The following VCX variants were observed in gnomAD, a reference collection of about 807,000 sequenced individuals.
VCX encodes variable charge X-linked, also known as variable charge X-linked protein 1.
For synonymous variants in VCX, 17 were observed against 79.4 expected, an observed-to-expected ratio of 0.21 and a Z score of 4.18; for missense variants, 45 against 171.8, an observed-to-expected ratio of 0.26 and a Z score of 4.13.
rs1178925921 is a variant in VCX at position 7,843,746 on chromosome X, GA to G, written c.352del (p.Ser118AlafsTer7). On this transcript the variant is annotated frameshift_variant, in exon 2 of 2. Coordinates refer to ENST00000688183, the MANE Select transcript of VCX (RefSeq NM_001393662.1). LOFTEE classifies it low-confidence loss of function (END_TRUNC). The part of the protein sequence containing the change: ...AELEEPLSQE[S>X]EVEEPLSQES... ...AGCTGGAGGAACCACTGAGTCAGGA[GA>G]GCGAGGTGGAAGAACCACTGAGTCA... 9.0e-7 allele frequency: 1 copy of G among 1,108,906 alleles called. No homozygotes were observed. Among genetic ancestry groups the G allele is most frequent in the Admixed American group, 2.5e-5 (1 of 39,538 alleles). The allele number at this position is 1,108,906 out of a possible 1,213,427, so 91.4% of individuals were successfully genotyped here.
At position 7,843,684 on chromosome X, in the gene VCX, G is replaced by A. The variant is rs147591279; in HGVS notation, c.289G>A (p.Glu97Lys). 5 of 1,117,001 alleles carry A rather than the reference G, an allele frequency of 4.5e-6. No individual in the cohort carries two copies. The highest frequency in any genetic ancestry group is 1.9e-5 in the South Asian group (1 of 53,525). 92.1% of individuals were successfully genotyped at this position (1,117,001 alleles called of 1,213,427 possible). A position where few individuals can be genotyped will look rare whatever the true frequency, so the allele number is the denominator to read the frequency against. Residue 97 changes from glutamate to lysine, a missense_variant, in exon 2 of 2, where the codon GAG becomes AAG. Coordinates refer to ENST00000688183, the MANE Select transcript of VCX (RefSeq NM_001393662.1). Reference protein sequence around the residue: ...HELPPEEPVSEGTQHDPLSQE... With the variant: ...HELPPEEPVSKGTQHDPLSQE... Reference sequence around the variant, plus strand: ...GCTGCCGCCGGAGGAGCCAGTGAGCGAGGGGACCCAGCACGACCCCCTGAG... The same window carrying A: ...GCTGCCGCCGGAGGAGCCAGTGAGCAAGGGGACCCAGCACGACCCCCTGAG...
upstream of VCX, chrX:7,842,988 C>CG (rs1922416861): frequency 2.1e-5 from 1 of 48,708 alleles, no homozygotes; most frequent in African/African-American, 9.0e-5. Context: ...CACCCCCCCC[C>CG]CCGCCCCCGA....
chrX:7,843,123 T>A, upstream of VCX: 2 of 1,050,593 alleles, frequency 1.9e-6, no homozygotes, highest in Non-Finnish European at 2.6e-6. Flanking sequence ...TGTCTCGTCC[T>A]GGGATCGCGA....
At chrX:7,843,149 G>T (rs1922426553), upstream of VCX, 1 of 1,152,588 alleles carries the variant, frequency 8.7e-7, no homozygotes, top group Admixed American at 2.3e-5. Flanking sequence ...GTATATACAG[G>T]GAGGCCAGGC....
upstream of VCX, chrX:7,842,297 G>T (rs1430132286): frequency 9.4e-6 from 1 of 106,446 alleles, no homozygotes; most frequent in East Asian, 3.2e-4. Flanking sequence ...AGATGGAAAA[G>T]TTCTTTGATT....
At chrX:7,843,401 G>GT in intron 1 of VCX, 96 bp downstream of exon 1, 3 of 1,196,028 alleles carry the variant, frequency 2.5e-6, no homozygotes. Flanking sequence ...CCCCAACCCG[G>GT]CCCCCACCGC....
intron 1 of VCX, 79 bp from the exon 2 acceptor site, chrX:7,843,419 G>A (rs1475444926): frequency 5.1e-6 from 6 of 1,187,485 alleles, no homozygotes; most frequent in Non-Finnish European, 2.3e-6. Context: ...CGCTTCTGAG[G>A]ACACGTCCCT....
In VCX at chrX:7,843,624, A is replaced by G; in HGVS notation, c.229A>G (p.Ser77Gly). The change falls in exon 2 of 2, where the codon AGC (serine) becomes GGC (glycine). Residue 77 changes from serine to glycine, a missense_variant. By Grantham distance (56) the Ser-to-Gly change is moderately conservative. Transcript: ENST00000688183. The stretch of plus-strand genomic sequence containing the variant: ...GAGCGCGCCAGCGGCACCCGGCCCC[A>G]GCGACCAGCCCAGCCAGGAGCTCCC... ...AESAPAAPGP[S>G]DQPSQELPQH... 1 of 1,123,195 alleles carries G rather than the reference A, an allele frequency of 8.9e-7. No individual in the cohort carries two copies. The highest frequency in any genetic ancestry group is 1.9e-5 in the South Asian group (1 of 53,681). 92.6% of individuals were successfully genotyped at this position (1,123,195 alleles called of 1,213,427 possible).
chrX:7,843,390 C>CT lies in VCX; in HGVS notation c.102+85_102+86insT. ...CTCTCCTGTCCTCACTTGGCACAAC[C>CT]CCCCAACCCGGCCCCCACCGCTTCT... On this transcript the variant is annotated intron_variant, in intron 1 of 1. Coordinates refer to ENST00000688183, the MANE Select transcript of VCX (RefSeq NM_001393662.1). 2.5e-6 allele frequency: 3 copies of CT among 1,195,652 alleles called. No individual in the cohort carries two copies. In the Admixed American group the frequency reaches 6.6e-5, roughly 26 times the overall value.
At chrX:7,842,797 A>G (rs1240563400), upstream of VCX, 6 of 259,862 alleles carry the variant, frequency 2.3e-5, no homozygotes, top group Admixed American at 3.6e-4. Flanking sequence ...AGAATGTACC[A>G]CTGAATGGGA....
chrX:7,842,686 A>C, upstream of VCX: 1 of 160,636 alleles, frequency 6.2e-6, no homozygotes. Flanking sequence ...GTGCCTGGTC[A>C]ACTGACGTCT....
upstream of VCX, chrX:7,842,693 G>T (rs183559693): frequency 6.2e-5 from 10 of 160,888 alleles, no homozygotes; most frequent in Admixed American, 3.0e-4. Context: ...GTCAACTGAC[G>T]TCTTCATATA....
At chrX:7,842,666 GT>G (rs1212142436), upstream of VCX, 2 of 144,600 alleles carry the variant, frequency 1.4e-5, no homozygotes, top group African/African-American at 6.4e-5. Context: ...GATTACAAGC[GT>G]GAGCCACTGT....
At position 7,843,782 on chromosome X, in the gene VCX, G is replaced by C. The variant is rs1307965307; in HGVS notation, c.387G>C (p.Gln129His). ...EVEEPLSQES[Q>H]VEEPLSQESE... ...AAGAACCACTGAGTCAGGAGAGCCA[G>C]GTGGAGGAACCACTGAGTCAGGAGA... is the stretch of plus-strand genomic sequence containing the variant. The change falls in exon 2 of 2, where the codon CAG (glutamine) becomes CAC (histidine). Residue 129 changes from glutamine to histidine, a missense_variant. Physicochemically the swap from Gln to His is conservative, Grantham distance 24. Transcript: ENST00000688183. 2.0e-6 allele frequency: 1 copy of C among 508,911 alleles called. No homozygotes were observed. Among genetic ancestry groups the C allele is most frequent in the East Asian group, 4.6e-5 (1 of 21,657 alleles). 41.9% of individuals were successfully genotyped at this position (508,911 alleles called of 1,213,427 possible).
upstream of VCX, chrX:7,842,318 A>T (rs1277013780): frequency 9.2e-6 from 1 of 109,058 alleles, no homozygotes; most frequent in Non-Finnish European, 1.9e-5. Flanking sequence ...GCATCCAAGA[A>T]GTGAATGGTC....
upstream of VCX, chrX:7,842,543 T>C (rs1357185683): frequency 1.7e-5 from 2 of 116,296 alleles, no homozygotes; most frequent in African/African-American, 6.6e-5. Flanking sequence ...TGCGCCACCA[T>C]GCCTGACTAA....
upstream of VCX, chrX:7,842,816 G>A (rs1922407618): frequency 7.3e-6 from 2 of 275,026 alleles, no homozygotes; most frequent in South Asian, 5.4e-5. Flanking sequence ...GAGGTCCGGG[G>A]GAAACATGTG....
upstream of VCX, among the ~76,000 whole-genome samples, chrX:7,842,536 G>A (rs1342681706): frequency 3.7e-5 from 4 of 109,471 alleles, no homozygotes; most frequent in African/African-American, 1.0e-4. Context: ...ATGGGCATGC[G>A]CCACCATGCC....
At chrX:7,842,809 G>T, upstream of VCX, 7 of 271,125 alleles carry the variant, frequency 2.6e-5, no homozygotes, top group Non-Finnish European at 3.9e-5. Flanking sequence ...TGAATGGGAG[G>T]TCCGGGGGAA....
Sources: allele counts gnomAD v4.1 joint callset (sites outside exome capture counted in the v4.1 genomes callset), GRCh38; gene constraint gnomAD v4.1.1; transcripts MANE v1.5; gene names NCBI Gene and HGNC (gene_info 2026-07-23, HGNC 2026-07-21).